PDE4D: variants seen among roughly 807,000 people sequenced by gnomAD.
PDE4D encodes phosphodiesterase 4D.
In PDE4D, 24 loss-of-function variants were observed where a neutral mutation model predicts 87.4. That is an observed-to-expected ratio of 0.27 (90% CI 0.20 to 0.39). The LOEUF (loss-of-function observed/expected upper bound fraction) is 0.39, where lower values mean the gene tolerates loss of function less well. PDE4D is among the 10% of genes least tolerant of loss of function. PDE4D has a pLI of 1.00. For synonymous variants in PDE4D, 384 were observed against 383.2 expected, an observed-to-expected ratio of 1.00 and a Z score of -0.02; for missense variants, 714 against 1,041.0, an observed-to-expected ratio of 0.69 and a Z score of 4.32.
intron 2 of PDE4D, among the ~76,000 whole-genome samples, chr5:60,160,275 T>A (rs1292990807): frequency 6.6e-6 from 1 of 152,232 alleles, no homozygotes; most frequent in African/African-American, 2.4e-5. Context: ...AGTTAACTTT[T>A]GGGAGAAGTC....
At chr5:59,684,185 T>C (rs1489728887) in intron 1 of PDE4D, among the ~76,000 whole-genome samples, 1 of 152,220 alleles carries the variant, frequency 6.6e-6, no homozygotes, top group Non-Finnish European at 1.5e-5. Context: ...CATCCCTCCC[T>C]GAGCACTGCC....
chr5:59,000,028 T>A lies in PDE4D; in HGVS notation c.922-6563A>T, dbSNP rs1408231160. On this transcript the variant is annotated intron_variant, in intron 6 of 14. Transcript: ENST00000340635. The stretch of plus-strand genomic sequence containing the variant: ...GCTCTTAGCCTATAAGGCGAGGGGG[T>A]GTGGCCTCGGTGCAGGCTGCTTTGG... 5.6e-6 allele frequency: 3 copies of A among 531,384 alleles called. No homozygotes were observed. The African/African-American group carries it at 6.2e-5, about 11-fold the overall frequency. The allele number at this position is 531,384 out of a possible 1,614,324, so 32.9% of individuals were successfully genotyped here.
At chr5:60,350,805 T>C (rs1759118209) in intron 1 of PDE4D, among the ~76,000 whole-genome samples, 1 of 152,186 alleles carries the variant, frequency 6.6e-6, no homozygotes, top group African/African-American at 2.4e-5. Flanking sequence ...GGGTCTTGAT[T>C]CGAGTTTGAG....
At chr5:60,104,802 C>T (rs1776685245) in intron 2 of PDE4D, among the ~76,000 whole-genome samples, 1 of 152,310 alleles carries the variant, frequency 6.6e-6, no homozygotes, top group South Asian at 2.1e-4. Flanking sequence ...AGCTGAGGGT[C>T]CTGTCTCTTA....
chr5:59,971,039 G>A lies in PDE4D; in HGVS notation c.272+17449C>T, dbSNP rs1295169620. Among the ~76,000 whole-genome samples, 3 of 152,056 alleles carry A rather than the reference G, an allele frequency of 2.0e-5. No individual in the cohort carries two copies. In the East Asian group the frequency reaches 5.8e-4, roughly 29 times the overall value. On this transcript the variant is annotated intron_variant, in intron 3 of 16. Coordinates refer to the PDE4D transcript ENST00000502484. ...ATACTATGTGGCCATAAAAAATGAT[G>A]AGGTCATGTCCTTTGTAGGGACATG...
rs554171308 is a variant in PDE4D, at chr5:60,317,478, T to G, written c.-89-131791A>C. On this transcript the variant is annotated intron_variant, in intron 1 of 16. Coordinates refer to the PDE4D transcript ENST00000502484. ...GATTTTTTGAAGGGTTTTTTGTGTC[T>G]TTATTTCCTTCAGTTCTGTTCTGAT... Among the ~76,000 whole-genome samples, 8 of 152,302 alleles carry G rather than the reference T, an allele frequency of 5.3e-5. No homozygotes were observed. In the South Asian group the frequency reaches 1.5e-3, roughly 28 times the overall value.
intron 1 of PDE4D, among the ~76,000 whole-genome samples, chr5:60,408,173 G>A (rs1449346501): frequency 6.6e-6 from 1 of 152,168 alleles, no homozygotes; most frequent in African/African-American, 2.4e-5. Context: ...CACAGCTGGA[G>A]CAGAGACAAC....
chr5:59,042,655 T>C (rs1295698222), intron 5 of PDE4D, among the ~76,000 whole-genome samples: 2 of 152,188 alleles, frequency 1.3e-5, no homozygotes, highest in South Asian at 2.1e-4. Flanking sequence ...GAGAGGGCTA[T>C]GGAACAGCAA....
intron 1 of PDE4D, among the ~76,000 whole-genome samples, chr5:59,497,267 T>C (rs1024869128): frequency 2.0e-5 from 3 of 146,854 alleles, no homozygotes; most frequent in African/African-American, 8.2e-5. Flanking sequence ...ACAAGAACTC[T>C]GGCAATACAA....
chr5:59,510,681 C>CA (rs890624313), intron 1 of PDE4D, among the ~76,000 whole-genome samples: 29 of 151,782 alleles, frequency 1.9e-4, no homozygotes, highest in Admixed American at 1.8e-3. Context: ...AATATAGAGA[C>CA]AGAAGATGTA....
intron 1 of PDE4D, among the ~76,000 whole-genome samples, chr5:59,660,907 G>A (rs1236408361): frequency 6.6e-6 from 1 of 151,816 alleles, no homozygotes; most frequent in Non-Finnish European, 1.5e-5. Flanking sequence ...CACTCATTAT[G>A]TCTTCAAACT....
chr5:60,044,403 G>A (rs996891597), intron 2 of PDE4D, among the ~76,000 whole-genome samples: 17 of 151,718 alleles, frequency 1.1e-4, no homozygotes, highest in Non-Finnish European at 1.6e-4. Context: ...TAGGGTACAT[G>A]TGCACAATGT....
At chr5:59,882,899 T>C (rs1426137036) in intron 1 of PDE4D, among the ~76,000 whole-genome samples, 1 of 152,074 alleles carries the variant, frequency 6.6e-6, no homozygotes, top group Non-Finnish European at 1.5e-5. Context: ...TGTCTCAGCC[T>C]CTTGAGTAGC....
intron 1 of PDE4D, among the ~76,000 whole-genome samples, chr5:59,645,059 G>T (rs1481524595): frequency 6.6e-6 from 1 of 152,206 alleles, no homozygotes; most frequent in Non-Finnish European, 1.5e-5. Flanking sequence ...AAAAGAACTT[G>T]TGGAGGAGAC....
At chr5:59,534,563 T>C (rs967009629) in intron 1 of PDE4D, among the ~76,000 whole-genome samples, 1 of 152,144 alleles carries the variant, frequency 6.6e-6, no homozygotes, top group South Asian at 2.1e-4. Flanking sequence ...GGTTGAAGAC[T>C]CTTTCCACAA....
chr5:59,401,702 C>T (rs550074110), intron 1 of PDE4D, among the ~76,000 whole-genome samples: 1 of 152,276 alleles, frequency 6.6e-6, no homozygotes, highest in African/African-American at 2.4e-5. Context: ...TGATGTTGCT[C>T]TTGCAGCAAT....
chr5:59,368,793 T>C (rs922456743), intron 1 of PDE4D, among the ~76,000 whole-genome samples: 7 of 152,220 alleles, frequency 4.6e-5, no homozygotes, highest in Non-Finnish European at 1.0e-4. Flanking sequence ...TGCCTGTCAG[T>C]GTCTGTGCTA....
chr5:59,933,443 A>C (rs543003444), intron 3 of PDE4D, among the ~76,000 whole-genome samples: 1 of 152,306 alleles, frequency 6.6e-6, no homozygotes, highest in South Asian at 2.1e-4. Context: ...TTAAAGTTTG[A>C]AAAAGCTCAA....
chr5:59,516,624 G>C (rs1811204433), intron 1 of PDE4D, among the ~76,000 whole-genome samples: 1 of 151,958 alleles, frequency 6.6e-6, no homozygotes, highest in African/African-American at 2.4e-5. Context: ...CACTTGTTGT[G>C]ATCAAGAGAA....
Sources: gnomAD v4.1 joint callset for allele counts (sites outside exome capture counted in the v4.1 genomes callset) on GRCh38, gnomAD v4.1.1 for gene constraint, MANE v1.5 for transcripts, NCBI Gene and HGNC (gene_info 2026-07-23, HGNC 2026-07-21) for gene names.